GRXCR2: variants seen among roughly 807,000 people sequenced by gnomAD.
GRXCR2 encodes the protein glutaredoxin domain-containing cysteine-rich protein 2.
Under a neutral mutation model 24.8 loss-of-function variants are expected in GRXCR2, and 23 were observed. The observed-to-expected ratio is 0.93, with a 90% CI of 0.67 to 1.32. The LOEUF is 1.32. Ranked by LOEUF, GRXCR2 falls within the 40% of genes most tolerant of loss-of-function variation. The pLI, the probability that GRXCR2 is intolerant of heterozygous loss-of-function variation, is 0.00. For synonymous variants in GRXCR2, 130 were observed against 116.1 expected, an observed-to-expected ratio of 1.12 and a Z score of -0.77; for missense variants, 315 against 303.4, an observed-to-expected ratio of 1.04 and a Z score of -0.28.
At chr5:145,914,840 G>A (rs34304210) in intron 2 of GRXCR2, among the ~76,000 whole-genome samples, 3,204 of 152,260 alleles carry the variant, frequency 0.021, 42 homozygotes, top group Middle Eastern at 0.048. Context: ...ATGTCCTTGG[G>A]CATCTGTGAG....
intron 1 of GRXCR2, among the ~76,000 whole-genome samples, chr5:145,868,064 T>C (rs1360365005): frequency 3.3e-5 from 5 of 152,164 alleles, no homozygotes; most frequent in Non-Finnish European, 7.4e-5. Context: ...TATGTTTACT[T>C]TCATCCCTGA....
intron 2 of GRXCR2, among the ~76,000 whole-genome samples, chr5:145,889,919 A>G (rs941823920): frequency 2.0e-5 from 3 of 152,238 alleles, no homozygotes; most frequent in African/African-American, 7.2e-5. Flanking sequence ...CATCTTAAAA[A>G]GAAAGCAATC....
chr5:145,866,818 G>A (rs1756445927), intron 1 of GRXCR2, 90 bp from the exon 2 acceptor site: 1 of 787,490 alleles, frequency 1.3e-6, no homozygotes, highest in Non-Finnish European at 2.1e-6. Context: ...GGAAACAGCA[G>A]AGAAGGAACT....
At chr5:145,926,290 A>G (rs1466669126) in intron 2 of GRXCR2, among the ~76,000 whole-genome samples, 2 of 152,134 alleles carry the variant, frequency 1.3e-5, no homozygotes, top group Non-Finnish European at 2.9e-5. Context: ...TATTAGGGTT[A>G]TAGGATTTAA....
intron 2 of GRXCR2, among the ~76,000 whole-genome samples, chr5:145,909,011 G>A (rs1036790269): frequency 6.6e-6 from 1 of 152,138 alleles, no homozygotes; most frequent in Non-Finnish European, 1.5e-5. Context: ...TGCTGGGTGA[G>A]CTTAAGCAAA....
intron 2 of GRXCR2, among the ~76,000 whole-genome samples, chr5:145,900,000 ACT>A (rs1169857609): frequency 6.6e-6 from 1 of 152,102 alleles, no homozygotes. Flanking sequence ...ATATTCACAA[ACT>A]CTGCATCCGA....
Position 145,859,648 on chromosome 5 carries a change from A to T in GRXCR2, c.*85T>A, listed in dbSNP as rs1040152812. On this transcript the variant is annotated 3_prime_UTR_variant, in exon 3 of 3. Coordinates refer to ENST00000377976, the MANE Select transcript of GRXCR2 (RefSeq NM_001080516.2). ...CAGCCACTGTGGCCTCCTTGTTGGGAGAGGCAGGAGGAGGAGAAGGGGGCG... is the reference window on the plus strand; with the variant it reads ...CAGCCACTGTGGCCTCCTTGTTGGGTGAGGCAGGAGGAGGAGAAGGGGGCG... 5 of 1,260,754 alleles carry T rather than the reference A, an allele frequency of 4.0e-6. No homozygotes were observed. In the Admixed American group the frequency reaches 7.3e-5, roughly 18 times the overall value. 78.1% of individuals were successfully genotyped at this position (1,260,754 alleles called of 1,614,324 possible).
At chr5:145,917,037 A>G (rs1397209247) in intron 2 of GRXCR2, among the ~76,000 whole-genome samples, 3 of 151,506 alleles carry the variant, frequency 2.0e-5, no homozygotes, top group Non-Finnish European at 4.4e-5. Flanking sequence ...AATGGGAGCC[A>G]TTGCCAGATT....
At chr5:145,868,994 T>C (rs1756479436) in intron 1 of GRXCR2, among the ~76,000 whole-genome samples, 1 of 152,246 alleles carries the variant, frequency 6.6e-6, no homozygotes, top group Non-Finnish European at 1.5e-5. Flanking sequence ...ATTTCCTTAC[T>C]AGTGCACAGA....
intron 2 of GRXCR2, among the ~76,000 whole-genome samples, chr5:145,925,065 A>G (rs1248083906): frequency 1.3e-5 from 2 of 152,202 alleles, no homozygotes; most frequent in African/African-American, 4.8e-5. Context: ...TCTTTGGAGC[A>G]TTTACAAGCA....
At chr5:145,873,125 T>A, upstream of GRXCR2, 1 of 616,476 alleles carries the variant, frequency 1.6e-6, no homozygotes, top group Non-Finnish European at 2.9e-6. Flanking sequence ...ACCCATACAT[T>A]AAATATTGAT....
intron 2 of GRXCR2, among the ~76,000 whole-genome samples, chr5:145,891,910 G>T (rs558956289): frequency 6.6e-6 from 1 of 152,038 alleles, no homozygotes; most frequent in Admixed American, 6.5e-5. Context: ...CACCTCACAC[G>T]GCCGGGTACT....
intron 2 of GRXCR2, among the ~76,000 whole-genome samples, chr5:145,894,342 G>T (rs1367214263): frequency 1.3e-5 from 2 of 152,134 alleles, no homozygotes; most frequent in Admixed American, 6.5e-5. Flanking sequence ...ATGAATCCAG[G>T]AGCTGGTTTT....
At chr5:145,912,981 G>C (rs1239551641) in intron 2 of GRXCR2, among the ~76,000 whole-genome samples, 1 of 152,190 alleles carries the variant, frequency 6.6e-6, no homozygotes, top group Non-Finnish European at 1.5e-5. Context: ...AGTAACCCTG[G>C]TCAAATGGAT....
intron 1 of GRXCR2, 120 bp from the exon 2 acceptor site, chr5:145,866,848 G>T (rs1049686035): frequency 3.1e-6 from 2 of 654,328 alleles, no homozygotes; most frequent in South Asian, 1.9e-5. Context: ...CAGCATTTTT[G>T]ATCCCATCAG....
chr5:145,884,837 G>A (rs1007850205), intron 2 of GRXCR2, among the ~76,000 whole-genome samples: 3 of 152,126 alleles, frequency 2.0e-5, no homozygotes, highest in African/African-American at 7.2e-5. Flanking sequence ...AGTGTATCCT[G>A]AATCTTTTTA....
chr5:145,873,626 A>G (rs372365626), upstream of GRXCR2, among the ~76,000 whole-genome samples: 140 of 152,304 alleles, frequency 9.2e-4, no homozygotes, highest in African/African-American at 3.3e-3. Context: ...CTGGTTCTAG[A>G]AGAGGGAATG....
chr5:145,915,557 G>T (rs1757225106), intron 2 of GRXCR2, among the ~76,000 whole-genome samples: 1 of 152,062 alleles, frequency 6.6e-6, no homozygotes, highest in Non-Finnish European at 1.5e-5. Flanking sequence ...GGCCGAGGTG[G>T]GTGGATCACT....
chr5:145,902,888 G>A (rs1191903407), intron 2 of GRXCR2, among the ~76,000 whole-genome samples: 3 of 152,178 alleles, frequency 2.0e-5, no homozygotes, highest in East Asian at 3.8e-4. Context: ...CCTTGGAGGG[G>A]TTTGAGTGCG....
Sources: gnomAD v4.1 joint callset for allele counts (sites outside exome capture counted in the v4.1 genomes callset) on GRCh38, gnomAD v4.1.1 for gene constraint, MANE v1.5 for transcripts, NCBI Gene and HGNC (gene_info 2026-07-23, HGNC 2026-07-21) for gene names.